Variants in SKA1 observed in about 807,000 individuals in gnomAD.
The protein encoded by SKA1 is spindle and kinetochore associated complex subunit 1, also known as SKA complex subunit 1.
A neutral mutation model predicts 31.8 loss-of-function variants in SKA1; 20 were observed. The observed-to-expected ratio is 0.63, with a 90% confidence interval of 0.44 to 0.91. The LOEUF is 0.91. Among genes scored for constraint, SKA1 ranks in the 40% least tolerant of loss-of-function variants. The pLI is 0.00. For missense variants in SKA1, 253 were observed against 298.2 expected (o/e 0.85, Z 1.12); for synonymous variants, 88 against 100.5 (o/e 0.88, Z 0.74).
At position 50,389,137 on chromosome 18, in the gene SKA1, C is replaced by T. The variant is rs902452923; in HGVS notation, c.450-1987C>T. ...TTGTGAGGATGGGAGTGACAGTTTC[C>T]AAGCTCTTGACACGTCAGAGTGCTA... On this transcript the variant is annotated intron_variant, in intron 5 of 6. Coordinates refer to ENST00000285116, the MANE Select transcript of SKA1 (RefSeq NM_145060.4). Among the ~76,000 whole-genome samples, 5 of 152,180 alleles carry T rather than the reference C, an allele frequency of 3.3e-5. No homozygotes were observed. The East Asian group carries it at 5.8e-4, about 18-fold the overall frequency.
intron 5 of SKA1, among the ~76,000 whole-genome samples, chr18:50,386,461 TAC>T (rs2041308584): frequency 6.6e-6 from 1 of 152,200 alleles, no homozygotes; most frequent in Non-Finnish European, 1.5e-5. Context: ...GAGCAGATAG[TAC>T]AGTGTTCTCA....
At position 50,380,042 on chromosome 18, in the gene SKA1, A is replaced by G. The variant is rs1290513029; in HGVS notation, c.89-84A>G. ...TTCCACCCCTCTCTAAGGTACAGCT[A>G]TCTATTCTAAGAGTTCGCATGAGTA... On this transcript the variant is annotated intron_variant, in intron 2 of 6. Coordinates refer to ENST00000285116, the MANE Select transcript of SKA1 (RefSeq NM_145060.4). 12 of 1,160,728 alleles carry G rather than the reference A, an allele frequency of 1.0e-5. No individual in the cohort carries two copies. The African/African-American group carries it at 1.1e-4, about 11-fold the overall frequency. 71.9% of individuals were successfully genotyped at this position (1,160,728 alleles called of 1,614,324 possible). A position where few individuals can be genotyped will look rare whatever the true frequency, so the allele number is the denominator to read the frequency against.
At chr18:50,392,049 C>G in intron 6 of SKA1, 50 bp from the exon 7 acceptor site, 1 of 1,438,338 alleles carries the variant, frequency 7.0e-7, no homozygotes, top group Non-Finnish European at 9.3e-7. Context: ...ATTAAAGACT[C>G]TTTTGCAAGT....
chr18:50,375,821 G>A lies in SKA1; in HGVS notation c.-10G>A, dbSNP rs1446302912. The A allele has an allele frequency of 6.3e-7, 1 of 1,577,030 alleles. No individual in the cohort carries two copies. Among genetic ancestry groups the A allele is most frequent in the Non-Finnish European group, 8.6e-7 (1 of 1,161,022 alleles). ...ATATGTTTATGTTTTTTTCTTCAGA[G>A]GCTTAAAGGATGGCCTCGTCAGATC... On this transcript the variant is annotated splice_region_variant and 5_prime_UTR_variant, in exon 2 of 7. Coordinates refer to ENST00000285116, the MANE Select transcript of SKA1 (RefSeq NM_145060.4).
intron 4 of SKA1, among the ~76,000 whole-genome samples, chr18:50,382,643 G>A: frequency 6.6e-6 from 1 of 151,730 alleles, no homozygotes; most frequent in East Asian, 1.9e-4. Flanking sequence ...AATGTCTCCA[G>A]ACATTGCCAA....
chr18:50,384,870 T>TTAAAAAAAAAAAAAAAAAAAA (rs1491587048), intron 4 of SKA1, among the ~76,000 whole-genome samples: 1 of 61,306 alleles, frequency 1.6e-5, no homozygotes, highest in Non-Finnish European at 2.9e-5. Flanking sequence ...AAAAAAAAAA[T>TTAAAAAAAAAAAAAAAAAAAA]TAAAAAAAAA....
Position 50,383,898 on chromosome 18 carries a change from G to A in SKA1, c.312-1318G>A, listed in dbSNP as rs1031935656. On this transcript the variant is annotated intron_variant, in intron 4 of 6. Coordinates refer to ENST00000285116, the MANE Select transcript of SKA1 (RefSeq NM_145060.4). ...TTAGGATTCACAGAAGGATTATCAT[G>A]CATTGGGCATCTTTATCTTGACAGC... 8.5e-5 allele frequency among the ~76,000 whole-genome samples: 13 copies of A among 152,342 alleles called. No homozygotes were observed. The South Asian group carries it at 2.3e-3, about 27-fold the overall frequency.
At chr18:50,383,087 C>A (rs2041275617) in intron 4 of SKA1, among the ~76,000 whole-genome samples, 1 of 151,786 alleles carries the variant, frequency 6.6e-6, no homozygotes, top group African/African-American at 2.4e-5. Flanking sequence ...CTCTTTTTTC[C>A]CCTCAAATGT....
intron 5 of SKA1, among the ~76,000 whole-genome samples, 176 bp downstream of exon 5, chr18:50,385,529 C>T (rs1296902829): frequency 6.6e-6 from 1 of 152,110 alleles, no homozygotes; most frequent in Non-Finnish European, 1.5e-5. Flanking sequence ...TGTTGTAAAA[C>T]CCCTTCATAG....
chr18:50,382,779 T>C (rs999812070), intron 4 of SKA1, among the ~76,000 whole-genome samples: 1 of 152,178 alleles, frequency 6.6e-6, no homozygotes, highest in African/African-American at 2.4e-5. Flanking sequence ...ACGCCTATAA[T>C]CCTAGCATTT....
At chr18:50,386,635 G>A (rs970044807) in intron 5 of SKA1, among the ~76,000 whole-genome samples, 5 of 152,260 alleles carry the variant, frequency 3.3e-5, no homozygotes, top group Middle Eastern at 3.4e-3. Context: ...TTTGACAAAC[G>A]TATAATGTCA....
rs375763517 is a variant in SKA1 at position 50,392,352 on chromosome 18, C to CTTTTTTTT, written c.*112_*119dup. 18 of 571,490 alleles carry CTTTTTTTT rather than the reference C, an allele frequency of 3.1e-5. No homozygotes were observed. The highest frequency in any genetic ancestry group is 3.0e-4 in the African/African-American group (14 of 46,132). 35.4% of individuals were successfully genotyped at this position (571,490 alleles called of 1,614,324 possible). On this transcript the variant is annotated 3_prime_UTR_variant, in exon 7 of 7. Transcript: ENST00000285116. Reference sequence around the variant, plus strand: ...TTTAACTTTTAATCTTTTTTGTTTCCTTTTTTTTTTTTTTGAGACAGGATC... The same window carrying CTTTTTTTT: ...TTTAACTTTTAATCTTTTTTGTTTCCTTTTTTTTTTTTTTTTTTTTTTGAGACAGGATC...
chr18:50,377,377 G>A (rs1378853506), intron 2 of SKA1, among the ~76,000 whole-genome samples: 1 of 152,098 alleles, frequency 6.6e-6, no homozygotes, highest in African/African-American at 2.4e-5. Context: ...TAAAAGGCAA[G>A]TTAAAAAAAC....
Position 50,380,113 on chromosome 18 carries a change from TTGTTTA to T in SKA1, c.89-11_89-6del. On this transcript the variant is annotated splice_polypyrimidine_tract_variant and splice_region_variant and intron_variant, in intron 2 of 6. Coordinates refer to ENST00000285116, the MANE Select transcript of SKA1 (RefSeq NM_145060.4). ...ATACACTTTGTTTTCTATTTTATTT[TTGTTTA>T]TAACAGGCCAGGAACCTACCTTGAA... is the stretch of plus-strand genomic sequence containing the variant. 1 of 1,497,120 alleles carries T rather than the reference TTGTTTA, an allele frequency of 6.7e-7. No individual in the cohort carries two copies. The highest frequency in any genetic ancestry group is 8.9e-7 in the Non-Finnish European group (1 of 1,129,048). 92.7% of individuals were successfully genotyped at this position (1,497,120 alleles called of 1,614,324 possible). A position where few individuals can be genotyped will look rare whatever the true frequency, so the allele number is the denominator to read the frequency against.
chr18:50,385,476 T>C, intron 5 of SKA1, 123 bp downstream of exon 5: 1 of 912,066 alleles, frequency 1.1e-6, no homozygotes, highest in South Asian at 2.4e-5. Context: ...TAAAAAAGTT[T>C]CACATTATAC....
chr18:50,386,475 A>G (rs1265783669), intron 5 of SKA1, among the ~76,000 whole-genome samples: 1 of 152,212 alleles, frequency 6.6e-6, no homozygotes, highest in Admixed American at 6.5e-5. Context: ...GTGTTCTCAT[A>G]CCGCTTCTCC....
At chr18:50,387,039 C>T (rs1180284574) in intron 5 of SKA1, among the ~76,000 whole-genome samples, 3 of 152,160 alleles carry the variant, frequency 2.0e-5, no homozygotes, top group Admixed American at 6.5e-5. Context: ...TGGGTAAATA[C>T]TTAGGAGTGT....
At chr18:50,391,856 C>T (rs1235162227) in intron 6 of SKA1, among the ~76,000 whole-genome samples, 1 of 152,178 alleles carries the variant, frequency 6.6e-6, no homozygotes, top group Non-Finnish European at 1.5e-5. Context: ...CACTATGTCA[C>T]ATTGCCTCTT....
chr18:50,375,081 T>C lies in SKA1; in HGVS notation c.-125T>C, dbSNP rs2041202487. 1 of 152,366 alleles carries C rather than the reference T, an allele frequency of 6.6e-6. No homozygotes were observed. The highest frequency in any genetic ancestry group is 2.4e-5 in the African/African-American group (1 of 41,470). 9.4% of individuals were successfully genotyped at this position (152,366 alleles called of 1,614,324 possible). A position where few individuals can be genotyped will look rare whatever the true frequency, so the allele number is the denominator to read the frequency against. ...GCTGCGCTAGGGCGCGGCGGGCGGT[T>C]TGAATTTTGCTTACAGAGTCCCGTC... On this transcript the variant is annotated 5_prime_UTR_variant, in exon 1 of 7. Coordinates refer to ENST00000285116, the MANE Select transcript of SKA1 (RefSeq NM_145060.4).
Sources: allele counts gnomAD v4.1 joint callset (sites outside exome capture counted in the v4.1 genomes callset), GRCh38; gene constraint gnomAD v4.1.1; transcripts MANE v1.5; gene names NCBI Gene and HGNC (gene_info 2026-07-23, HGNC 2026-07-21).